C8orf34: variants seen among roughly 807,000 people sequenced by gnomAD.
C8orf34 encodes uncharacterized protein C8orf34.
Under a neutral mutation model 68.3 loss-of-function variants are expected in C8orf34, and 65 were observed. The observed-to-expected ratio is 0.95, with a 90% CI of 0.78 to 1.17. The LOEUF (loss-of-function observed/expected upper bound fraction) is 1.17. C8orf34 is among the 50% of genes most tolerant of loss of function. The pLI is 0.00. For synonymous variants in C8orf34, 244 were observed against 241.2 expected (o/e 1.01, Z -0.11); for missense variants, 664 against 655.4 (o/e 1.01, Z -0.14).
intron 7 of C8orf34, among the ~76,000 whole-genome samples, chr8:68,572,989 A>G (rs183319304): frequency 2.0e-5 from 3 of 152,208 alleles, no homozygotes; most frequent in Admixed American, 6.5e-5. Context: ...TAGAGTTATC[A>G]TGGCTCTCCC....
chr8:68,534,445 A>C (rs1049072754), intron 7 of C8orf34: 2 of 721,196 alleles, frequency 2.8e-6, no homozygotes, highest in African/African-American at 3.9e-5. Flanking sequence ...TGTTTGAAGG[A>C]ATTTTACATT....
intron 7 of C8orf34, among the ~76,000 whole-genome samples, chr8:68,589,344 T>A (rs1236575445): frequency 6.6e-6 from 1 of 150,620 alleles, no homozygotes; most frequent in Non-Finnish European, 1.5e-5. Flanking sequence ...AAGATTAATA[T>A]AGTAAGAATA....
intron 1 of C8orf34, among the ~76,000 whole-genome samples, chr8:68,335,246 T>C (rs1805801591): frequency 6.6e-6 from 1 of 152,174 alleles, no homozygotes; most frequent in Non-Finnish European, 1.5e-5. Context: ...TCCAGAAAGA[T>C]ATTTTAATGT....
At chr8:68,706,698 G>A (rs573394241) in intron 8 of C8orf34, among the ~76,000 whole-genome samples, 43 of 152,272 alleles carry the variant, frequency 2.8e-4, no homozygotes, top group African/African-American at 1.0e-3. Context: ...GAGGTCAAGG[G>A]ACTTTAAGAT....
intron 8 of C8orf34, among the ~76,000 whole-genome samples, chr8:68,665,623 T>C (rs1819814190): frequency 1.3e-5 from 2 of 152,192 alleles, no homozygotes; most frequent in African/African-American, 2.4e-5. Flanking sequence ...GCTCTTCCTC[T>C]AACATGTCAA....
intron 10 of C8orf34, among the ~76,000 whole-genome samples, chr8:68,731,550 A>G (rs1821977938): frequency 6.6e-6 from 1 of 152,126 alleles, no homozygotes; most frequent in South Asian, 2.1e-4. Flanking sequence ...AAAGCCTTAC[A>G]TTCTGCTTTT....
At chr8:68,736,359 T>C (rs186995850) in intron 10 of C8orf34, among the ~76,000 whole-genome samples, 120 of 152,254 alleles carry the variant, frequency 7.9e-4, no homozygotes, top group African/African-American at 2.7e-3. Context: ...ATCATCTCCA[T>C]TTTAAAGATG....
intron 8 of C8orf34, among the ~76,000 whole-genome samples, chr8:68,671,464 G>A (rs1257760712): frequency 6.6e-6 from 1 of 152,076 alleles, no homozygotes; most frequent in Non-Finnish European, 1.5e-5. Context: ...AATAGTAAAG[G>A]CCAACAGAAG....
intron 7 of C8orf34, among the ~76,000 whole-genome samples, chr8:68,601,783 G>C (rs1407286798): frequency 6.6e-6 from 1 of 151,838 alleles, no homozygotes; most frequent in Admixed American, 6.6e-5. Context: ...CCTGATTCTT[G>C]GTATGAAGAC....
intron 7 of C8orf34, among the ~76,000 whole-genome samples, chr8:68,618,324 T>C (rs2130615239): frequency 6.6e-6 from 1 of 152,276 alleles, no homozygotes; most frequent in South Asian, 2.1e-4. Flanking sequence ...TATCTAAATA[T>C]AGTTCTTTAC....
chr8:68,783,877 A>C lies in C8orf34; in HGVS notation c.1456-3566A>C, dbSNP rs145810761. Among the ~76,000 whole-genome samples, 14 of 152,326 alleles carry C rather than the reference A, an allele frequency of 9.2e-5. No individual in the cohort carries two copies. The East Asian group carries it at 2.7e-3, about 29-fold the overall frequency. On this transcript the variant is annotated intron_variant, in intron 11 of 13. Coordinates refer to ENST00000518698, the MANE Select transcript of C8orf34 (RefSeq NM_052958.4). ...ACCATCTCAGATATTTGGGGTTCAC[A>C]CTTTCAATATTAAAAATAAACTTTT...
At chr8:68,439,969 T>A (rs1444861330) in intron 2 of C8orf34, among the ~76,000 whole-genome samples, 2 of 152,204 alleles carry the variant, frequency 1.3e-5, no homozygotes, top group Non-Finnish European at 2.9e-5. Flanking sequence ...TTGAATTAAA[T>A]GCTTATAGCT....
intron 5 of C8orf34, among the ~76,000 whole-genome samples, chr8:68,492,214 A>C (rs1271931282): frequency 6.6e-6 from 1 of 151,950 alleles, no homozygotes; most frequent in Non-Finnish European, 1.5e-5. Context: ...TTTCTTTTTT[A>C]GCCATTTTTC....
Position 68,787,429 on chromosome 8 carries a change from G to A in C8orf34, c.1456-14G>A, listed in dbSNP as rs1376557831. Reference sequence around the variant, plus strand: ...AAACAGAGTTTAATCTAAAATAAATGTGTTCTTTTGCAGGATGAATCCTTA... The same window carrying A: ...AAACAGAGTTTAATCTAAAATAAATATGTTCTTTTGCAGGATGAATCCTTA... On this transcript the variant is annotated splice_polypyrimidine_tract_variant and intron_variant, in intron 11 of 13. Transcript: ENST00000518698. The A allele has an allele frequency of 6.3e-7, 1 of 1,589,324 alleles. No homozygotes were observed. Among genetic ancestry groups the A allele is most frequent in the Non-Finnish European group, 8.6e-7 (1 of 1,160,910 alleles).
intron 12 of C8orf34, among the ~76,000 whole-genome samples, 170 bp from the exon 13 acceptor site, chr8:68,815,716 C>T (rs1302559646): frequency 1.3e-5 from 2 of 152,150 alleles, no homozygotes; most frequent in Non-Finnish European, 2.9e-5. Flanking sequence ...GATATACACA[C>T]TTCTAAGGAG....
At chr8:68,356,975 C>T (rs1264517557) in intron 1 of C8orf34, among the ~76,000 whole-genome samples, 2 of 151,980 alleles carry the variant, frequency 1.3e-5, no homozygotes, top group East Asian at 3.9e-4. Context: ...TACATTGAAA[C>T]AATATATCTA....
At chr8:68,331,639 T>G in intron 1 of C8orf34, 3 of 456,898 alleles carry the variant, frequency 6.6e-6, no homozygotes, top group Non-Finnish European at 1.2e-5. Context: ...CAGCTACATG[T>G]TCAGGACCCG....
intron 1 of C8orf34, among the ~76,000 whole-genome samples, chr8:68,366,401 A>C (rs1475389567): frequency 7.6e-6 from 1 of 132,178 alleles, no homozygotes; most frequent in Non-Finnish European, 1.6e-5. Context: ...AAACTACTTT[A>C]AAGTTCATAT....
chr8:68,764,344 G>T (rs564246679), intron 10 of C8orf34, among the ~76,000 whole-genome samples: 1 of 152,174 alleles, frequency 6.6e-6, no homozygotes, highest in Non-Finnish European at 1.5e-5. Flanking sequence ...TAGTTTGTTG[G>T]CGGTGCAGAC....
Sources: allele counts gnomAD v4.1 joint callset (sites outside exome capture counted in the v4.1 genomes callset), GRCh38; gene constraint gnomAD v4.1.1; transcripts MANE v1.5; gene names NCBI Gene and HGNC (gene_info 2026-07-23, HGNC 2026-07-21).